YTHDF1: variants seen among roughly 807,000 people sequenced by gnomAD.
YTHDF1 encodes YTH N6-methyladenosine RNA binding protein F1, also known as YTH domain-containing family protein 1.
YTHDF1 carries 16 observed loss-of-function variants against 49.1 expected under a neutral mutation model. That is an observed-to-expected ratio of 0.33 (90% CI 0.22 to 0.49). The LOEUF is 0.49. YTHDF1 is among the 20% of genes least tolerant of loss of function. YTHDF1 has a pLI of 0.99. For synonymous variants in YTHDF1, 313 were observed against 290.1 expected (o/e 1.08, Z -0.80); for missense variants, 621 against 744.3 (o/e 0.83, Z 1.93).
At chr20:63,206,049 T>C (rs1244259681) in intron 3 of YTHDF1, among the ~76,000 whole-genome samples, 1 of 152,180 alleles carries the variant, frequency 6.6e-6, no homozygotes, top group African/African-American at 2.4e-5. Flanking sequence ...GGGGGCGGTC[T>C]GTGCACAGGA....
In YTHDF1 at chr20:63,216,039, C is replaced by A. The variant is rs1267672063; in HGVS notation, c.-147G>T. 3.3e-6 allele frequency: 2 copies of A among 600,466 alleles called. No individual in the cohort carries two copies. The highest frequency in any genetic ancestry group is 6.4e-5 in the Admixed American group (1 of 15,600). 37.2% of individuals were successfully genotyped at this position (600,466 alleles called of 1,614,324 possible). On this transcript the variant is annotated 5_prime_UTR_variant, in exon 1 of 5. Coordinates refer to ENST00000370339, the MANE Select transcript of YTHDF1 (RefSeq NM_017798.4). ...CCGGGCGGCGGCGGCGGCTGCTGGG[C>A]GCGCGGGCCCCTGGCGAGGCGGCAG...
chr20:63,198,649 T>A (rs1332892021), intron 4 of YTHDF1, among the ~76,000 whole-genome samples: 42 of 147,534 alleles, frequency 2.8e-4, no homozygotes, highest in African/African-American at 8.8e-4. Flanking sequence ...AAAAAAAAAA[T>A]GACGAAGCAC....
intron 4 of YTHDF1, among the ~76,000 whole-genome samples, chr20:63,197,938 C>T (rs1412572141): frequency 6.6e-6 from 1 of 152,064 alleles, no homozygotes; most frequent in African/African-American, 2.4e-5. Flanking sequence ...GAATAAACAC[C>T]AGCCTCCTCA....
At chr20:63,210,861 TCCC>T (rs1380781933) in intron 3 of YTHDF1, among the ~76,000 whole-genome samples, 1 of 151,826 alleles carries the variant, frequency 6.6e-6, no homozygotes, top group Non-Finnish European at 1.5e-5. Flanking sequence ...GTTCCTCTGC[TCCC>T]CCAACTCCCA....
chr20:63,210,014 C>T (rs184766724), intron 3 of YTHDF1, among the ~76,000 whole-genome samples: 3 of 151,922 alleles, frequency 2.0e-5, no homozygotes, highest in African/African-American at 7.3e-5. Context: ...TCAATTATTA[C>T]GTACTGTATG....
chr20:63,209,208 G>A (rs1350352310), intron 3 of YTHDF1, among the ~76,000 whole-genome samples: 1 of 152,222 alleles, frequency 6.6e-6, no homozygotes, highest in Non-Finnish European at 1.5e-5. Flanking sequence ...GAAGGCCTGG[G>A]CCCTCACTGG....
chr20:63,214,671 C>A (rs1601241910), intron 2 of YTHDF1, among the ~76,000 whole-genome samples: 1 of 152,142 alleles, frequency 6.6e-6, no homozygotes, highest in Non-Finnish European at 1.5e-5. Flanking sequence ...TGCATTCTTT[C>A]GAGTTTCTGA....
rs896553592 is a variant in YTHDF1, at chr20:63,196,283, T to A, written c.*425A>T. The A allele has an allele frequency of 1.9e-5, 3 of 154,936 alleles. No homozygotes were observed. Among genetic ancestry groups the A allele is most frequent in the African/African-American group, 7.2e-5 (3 of 41,576 alleles). The allele number at this position is 154,936 out of a possible 1,614,324, so 9.6% of individuals were successfully genotyped here. ...ATCATTAACCTTTTGATTTCAGTAT[T>A]TTCAAGAGATTTTATCAGAATACTC... On this transcript the variant is annotated 3_prime_UTR_variant, in exon 5 of 5. Transcript: ENST00000370339.
chr20:63,213,983 AAAG>A lies in YTHDF1; in HGVS notation c.53-43_53-41del, dbSNP rs749698387. The A allele has an allele frequency of 1.8e-5, 28 of 1,562,336 alleles. No individual in the cohort carries two copies. The Admixed American group carries it at 2.3e-4, about 13-fold the overall frequency. On this transcript the variant is annotated intron_variant, in intron 2 of 4. Transcript: ENST00000370339. ...TGCAAAATATTACCCTCAAATTTTA[AAAG>A]ATTACTTTTAAGCTTGGAAGGCAAA...
At position 63,202,276 on chromosome 20, in the gene YTHDF1, C is replaced by A. The variant is rs780077545; in HGVS notation, c.1653+11G>T. ...ATCTGCATGGCAGTTGCCTGCAACA[C>A]CCAGCCTCACCTTGCGCACCACCTC... On this transcript the variant is annotated intron_variant, in intron 4 of 4. Coordinates refer to ENST00000370339, the MANE Select transcript of YTHDF1 (RefSeq NM_017798.4). 1 of 1,606,144 alleles carries A rather than the reference C, an allele frequency of 6.2e-7. No individual in the cohort carries two copies. The highest frequency in any genetic ancestry group is 8.5e-7 in the Non-Finnish European group (1 of 1,175,274).
intron 4 of YTHDF1, among the ~76,000 whole-genome samples, chr20:63,196,940 C>T (rs1409559723): frequency 6.6e-6 from 1 of 152,164 alleles, no homozygotes; most frequent in East Asian, 1.9e-4. Context: ...ATGGCATTCT[C>T]CCCACCCCCT....
At position 63,196,282 on chromosome 20, in the gene YTHDF1, T is replaced by C. The variant is rs1416033592; in HGVS notation, c.*426A>G. ...AATCATTAACCTTTTGATTTCAGTA[T>C]TTTCAAGAGATTTTATCAGAATACT... On this transcript the variant is annotated 3_prime_UTR_variant, in exon 5 of 5. Transcript: ENST00000370339. 6.5e-6 allele frequency: 1 copy of C among 154,822 alleles called. No individual in the cohort carries two copies. Among genetic ancestry groups the C allele is most frequent in the East Asian group, 1.9e-4 (1 of 5,326 alleles). 9.6% of individuals were successfully genotyped at this position (154,822 alleles called of 1,614,324 possible).
intron 4 of YTHDF1, among the ~76,000 whole-genome samples, chr20:63,200,536 C>T (rs1476224836): frequency 6.6e-6 from 1 of 152,204 alleles, no homozygotes; most frequent in Non-Finnish European, 1.5e-5. Flanking sequence ...ACCAGCGGCT[C>T]TGTTGGACTC....
At chr20:63,210,015 G>A (rs1042674340) in intron 3 of YTHDF1, among the ~76,000 whole-genome samples, 11 of 152,072 alleles carry the variant, frequency 7.2e-5, no homozygotes, top group East Asian at 3.9e-4. Context: ...CAATTATTAC[G>A]TACTGTATGG....
intron 1 of YTHDF1, 59 bp from the exon 2 acceptor site, chr20:63,215,660 A>C (rs2066598426): frequency 6.4e-7 from 1 of 1,564,424 alleles, no homozygotes; most frequent in African/African-American, 1.4e-5. Flanking sequence ...AGGGAAACAC[A>C]AAGTTATTCA....
chr20:63,204,708 G>GCACCTT (rs1376817000), intron 3 of YTHDF1, among the ~76,000 whole-genome samples: 11 of 152,256 alleles, frequency 7.2e-5, no homozygotes, highest in African/African-American at 2.6e-4. Context: ...GAGGCAAAAA[G>GCACCTT]GTCTGCTAGA....
chr20:63,206,111 G>A (rs1026035812), intron 3 of YTHDF1, among the ~76,000 whole-genome samples: 1 of 152,130 alleles, frequency 6.6e-6, no homozygotes, highest in African/African-American at 2.4e-5. Context: ...GCAGGCAAGG[G>A]GACAGTCCCC....
In YTHDF1 at chr20:63,204,501, T is replaced by C. The variant is rs552431549; in HGVS notation, c.133-694A>G. 5.0e-4 allele frequency among the ~76,000 whole-genome samples: 76 copies of C among 152,328 alleles called. 2 individuals are homozygous for C. In the South Asian group the frequency reaches 7.9e-3, roughly 16 times the overall value. Reference sequence around the variant, plus strand: ...ATTTCCTGGGCACAGCGTTGGGCTCTTGCAGTAGGCCCCTGCACAGAGGGC... The same window carrying C: ...ATTTCCTGGGCACAGCGTTGGGCTCCTGCAGTAGGCCCCTGCACAGAGGGC... On this transcript the variant is annotated intron_variant, in intron 3 of 4. Transcript: ENST00000370339.
chr20:63,199,995 A>C (rs576443552), intron 4 of YTHDF1, among the ~76,000 whole-genome samples: 192 of 152,276 alleles, frequency 1.3e-3, no homozygotes, highest in Admixed American at 2.2e-3. Context: ...TCAAGGCTAC[A>C]ACAAGCTGTG....
Sources: allele counts gnomAD v4.1 joint callset (sites outside exome capture counted in the v4.1 genomes callset), GRCh38; gene constraint gnomAD v4.1.1; transcripts MANE v1.5; gene names NCBI Gene and HGNC (gene_info 2026-07-23, HGNC 2026-07-21).